The following RANGAP1 variants were observed in gnomAD, a reference collection of about 807,000 sequenced individuals.
The protein encoded by RANGAP1 is Ran GTPase activating protein 1.
In RANGAP1, 38 loss-of-function variants were observed where a neutral mutation model predicts 63.5. The ratio of observed to expected loss-of-function variants is 0.60; its 90% CI spans 0.46 to 0.78. RANGAP1 has a LOEUF of 0.78. Ranked by LOEUF, RANGAP1 falls within the 30% of genes least tolerant of loss-of-function variation. RANGAP1 has a pLI of 0.00. For missense variants in RANGAP1, 630 were observed against 740.3 expected (o/e 0.85, Z 1.73); for synonymous variants, 329 against 310.5 (o/e 1.06, Z -0.63).
intron 13 of RANGAP1, 110 bp from the exon 14 acceptor site, chr22:41,249,927 C>T: frequency 4.3e-6 from 4 of 938,246 alleles, no homozygotes; most frequent in Non-Finnish European, 6.8e-6. Context: ...TGCCTCCTCG[C>T]CCTGACGAAG....
At chr22:41,265,770 T>C (rs922621129) in intron 4 of RANGAP1, among the ~76,000 whole-genome samples, 2 of 152,112 alleles carry the variant, frequency 1.3e-5, no homozygotes, top group African/African-American at 2.4e-5. Flanking sequence ...AGGTGGTCCA[T>C]GGGGGCAGGA....
At chr22:41,261,246 G>A (rs1383321700) in intron 6 of RANGAP1, among the ~76,000 whole-genome samples, 200 bp downstream of exon 6, 3 of 152,124 alleles carry the variant, frequency 2.0e-5, no homozygotes, top group Admixed American at 6.5e-5. Context: ...ACACCTTTCC[G>A]GAAAGTCACA....
intron 6 of RANGAP1, 120 bp downstream of exon 6, chr22:41,261,326 A>T (rs1316821243): frequency 6.9e-7 from 1 of 1,448,716 alleles, no homozygotes; most frequent in East Asian, 2.3e-5. Flanking sequence ...TGGAGAGGGC[A>T]CGTGACGCCC....
At chr22:41,262,222 G>A (rs2034210284) in intron 5 of RANGAP1, among the ~76,000 whole-genome samples, 1 of 152,142 alleles carries the variant, frequency 6.6e-6, no homozygotes, top group Non-Finnish European at 1.5e-5. Context: ...CCCTGGTGTG[G>A]TGCCAGGAAG....
chr22:41,264,894 C>T (rs1476323550), intron 4 of RANGAP1, 51 bp from the exon 5 acceptor site: 1 of 1,548,556 alleles, frequency 6.5e-7, no homozygotes, highest in African/African-American at 1.4e-5. Context: ...AGCTTCTGTG[C>T]TGGGTGCTGC....
In RANGAP1 at chr22:41,264,799, C is replaced by T; in HGVS notation, c.345G>A (p.Val115=). 6.2e-7 allele frequency: 1 copy of T among 1,613,636 alleles called. No homozygotes were observed. Among genetic ancestry groups the T allele is most frequent in the Non-Finnish European group, 8.5e-7 (1 of 1,179,522 alleles). The change falls in exon 5 of 16, where the codon GTG becomes GTA. Residue 115 remains valine (V), a synonymous_variant. Coordinates refer to ENST00000356244, the MANE Select transcript of RANGAP1 (RefSeq NM_002883.4). ...ATGCGTTGTCGCTTAAGTCCAGCTC[C>T]ACCAGCTGAGCCCCAGCTGTGATGA... The part of the protein sequence containing the change: ...EGLITAGAQL[V]ELDLSDNAFG...
At chr22:41,267,905 GTC>G (rs2145778566) in intron 4 of RANGAP1, among the ~76,000 whole-genome samples, 190 bp downstream of exon 4, 1 of 152,264 alleles carries the variant, frequency 6.6e-6, no homozygotes, top group South Asian at 2.1e-4. Flanking sequence ...TCCCCTGTCA[GTC>G]TCTGTGCTCC....
the RANGAP1 span, among the ~76,000 whole-genome samples, chr22:41,293,787 GAAAT>G: frequency 1.5e-5 from 2 of 130,682 alleles, no homozygotes; most frequent in African/African-American, 5.7e-5. Context: ...AAAAAGAAAA[GAAAT>G]AATTTTTAAA....
rs987954175 is a variant in RANGAP1 at position 41,246,503 on chromosome 22, CAG to C, written c.*98_*99del. ...GACACAGACCCGCCCTGCCTGTGGC[CAG>C]AGTCCTGTCCAAGGCAATGGCGTAG... On this transcript the variant is annotated 3_prime_UTR_variant, in exon 16 of 16. Coordinates refer to ENST00000356244, the MANE Select transcript of RANGAP1 (RefSeq NM_002883.4). The C allele has an allele frequency of 4.5e-6, 6 of 1,326,370 alleles. No homozygotes were observed. The African/African-American group carries it at 8.8e-5, about 19-fold the overall frequency. 82.2% of individuals were successfully genotyped at this position (1,326,370 alleles called of 1,614,324 possible).
intron 4 of RANGAP1, among the ~76,000 whole-genome samples, chr22:41,265,461 G>A (rs1474559385): frequency 6.6e-6 from 1 of 152,354 alleles, no homozygotes; most frequent in Non-Finnish European, 1.5e-5. Flanking sequence ...GCCAGCCGGT[G>A]TGACAAGTGT....
At chr22:41,291,452 G>T in the RANGAP1 span, among the ~76,000 whole-genome samples, 1 of 151,608 alleles carries the variant, frequency 6.6e-6, no homozygotes, top group South Asian at 2.1e-4. Flanking sequence ...AAAAAAATTA[G>T]CCAGGCACTG....
At chr22:41,268,803 C>A (rs945118900) in intron 3 of RANGAP1, among the ~76,000 whole-genome samples, 2 of 152,020 alleles carry the variant, frequency 1.3e-5, no homozygotes, top group Non-Finnish European at 2.9e-5. Flanking sequence ...GCCTGTAATC[C>A]CAGCACTTTG....
chr22:41,251,209 TG>T, intron 12 of RANGAP1, 100 bp from the exon 13 acceptor site: 1 of 891,746 alleles, frequency 1.1e-6, no homozygotes, highest in Non-Finnish European at 1.8e-6. Context: ...CAAAGGCCCC[TG>T]GCGGGCAAGA....
At chr22:41,254,602 A>G (rs2145705425) in intron 10 of RANGAP1, 108 bp from the exon 11 acceptor site, 1 of 1,485,176 alleles carries the variant, frequency 6.7e-7, no homozygotes, top group African/African-American at 1.4e-5. Context: ...GGAGGGAGAG[A>G]GCCTGGTGGG....
rs1355930157 is a variant in RANGAP1, at chr22:41,261,211, T to C, written c.615+235A>G. Among the ~76,000 whole-genome samples the C allele has an allele frequency of 2.0e-5, 3 of 152,346 alleles. No homozygotes were observed. In the East Asian group the frequency reaches 5.8e-4, roughly 29 times the overall value. On this transcript the variant is annotated intron_variant, in intron 6 of 15. Coordinates refer to ENST00000356244, the MANE Select transcript of RANGAP1 (RefSeq NM_002883.4). Reference sequence around the variant, plus strand: ...GCCTGGCCTGAAGCCCCATAGGGGCTGGCTCACCAGTGGGAGCCAGTCACA... The same window carrying C: ...GCCTGGCCTGAAGCCCCATAGGGGCCGGCTCACCAGTGGGAGCCAGTCACA...
rs527659554 is a variant in RANGAP1 at position 41,257,857 on chromosome 22, T to G, written c.774+91A>C. On this transcript the variant is annotated intron_variant, in intron 7 of 15. Coordinates refer to ENST00000356244, the MANE Select transcript of RANGAP1 (RefSeq NM_002883.4). The surrounding 1 kb of genome is among the most constrained non-coding windows in gnomAD (Gnocchi z 4.0). ...AGGGGGCAGGCAGGGGGTAGAGGAG[T>G]CCCTGCTAAACGGAGCCCCAGCTTC... 1 of 1,411,998 alleles carries G rather than the reference T, an allele frequency of 7.1e-7. No homozygotes were observed. The highest frequency in any genetic ancestry group is 2.1e-5 in the Admixed American group (1 of 47,498). 87.5% of individuals were successfully genotyped at this position (1,411,998 alleles called of 1,614,324 possible). A position where few individuals can be genotyped will look rare whatever the true frequency, so the allele number is the denominator to read the frequency against.
chr22:41,249,626 G>C, intron 14 of RANGAP1, 103 bp downstream of exon 14: 3 of 1,526,376 alleles, frequency 2.0e-6, no homozygotes, highest in Non-Finnish European at 2.7e-6. Flanking sequence ...GGGCGAGCCG[G>C]CTCAGGACTC....
intron 6 of RANGAP1, among the ~76,000 whole-genome samples, chr22:41,258,642 CTTTTTCT>C (rs1399584316): frequency 1.3e-5 from 2 of 152,142 alleles, no homozygotes; most frequent in Non-Finnish European, 2.9e-5. Context: ...TCCTTATTTT[CTTTTTCT>C]TTTTTCTTTT....
Position 41,244,994 on chromosome 22 carries a change from C to T in RANGAP1, c.*1609G>A, listed in dbSNP as rs1176259484. Among the ~76,000 whole-genome samples the T allele has an allele frequency of 6.6e-6, 1 of 152,160 alleles. No individual in the cohort carries two copies. Among genetic ancestry groups the T allele is most frequent in the African/African-American group, 2.4e-5 (1 of 41,438 alleles). On this transcript the variant is annotated 3_prime_UTR_variant, in exon 16 of 16. Coordinates refer to ENST00000356244, the MANE Select transcript of RANGAP1 (RefSeq NM_002883.4). Reference sequence around the variant, plus strand: ...TCTAGATGCCTCATCTAAATGGAATCATATTTGTCCTTTTGTGTCTGGCTT... The same window carrying T: ...TCTAGATGCCTCATCTAAATGGAATTATATTTGTCCTTTTGTGTCTGGCTT...
Sources: allele counts gnomAD v4.1 joint callset (sites outside exome capture counted in the v4.1 genomes callset), GRCh38; gene constraint gnomAD v4.1.1; non-coding constraint Gnocchi (gnomAD v3.1); transcripts MANE v1.5; gene names NCBI Gene and HGNC (gene_info 2026-07-23, HGNC 2026-07-21).